HFM1: variants seen among roughly 807,000 people sequenced by gnomAD.
HFM1 encodes probable ATP-dependent DNA helicase HFM1.
Under a neutral mutation model 192.1 loss-of-function variants are expected in HFM1, and 169 were observed. That is an observed-to-expected ratio of 0.88 (90% CI 0.78 to 1.00). The LOEUF is 1.00. Among genes scored for constraint, HFM1 ranks in the 50% least tolerant of loss-of-function variants. HFM1 has a pLI of 0.00. For synonymous variants in HFM1, 525 were observed against 537.8 expected, an observed-to-expected ratio of 0.98 and a Z score of 0.33; for missense variants, 1,661 against 1,668.0, an observed-to-expected ratio of 1.00 and a Z score of 0.07.
In HFM1 at chr1:91,353,160, A is replaced by G. The variant is rs1229083711; in HGVS notation, c.1730-8T>C. Reference sequence around the variant, plus strand: ...CACCATCTTTTAAGATATCTGTAATAGAAATATATCAGCTGTTACTATTAA... The same window carrying G: ...CACCATCTTTTAAGATATCTGTAATGGAAATATATCAGCTGTTACTATTAA... On this transcript the variant is annotated splice_polypyrimidine_tract_variant and splice_region_variant and intron_variant, in intron 14 of 38. Transcript: ENST00000370425. 2.5e-6 allele frequency: 4 copies of G among 1,591,222 alleles called. No individual in the cohort carries two copies. The highest frequency in any genetic ancestry group is 3.4e-6 in the Non-Finnish European group (4 of 1,160,380).
Position 91,323,125 on chromosome 1 carries a change from A to G in HFM1, c.2502T>C (p.Thr834=). ...LRINEKKTLN[T]LNKDPNRITI... The stretch of plus-strand genomic sequence containing the variant: ...TTATCCGATTTGGATCTTTGTTCAA[A>G]GTATTCAGTGTTTTCTTTTCATTTA... Residue 834 remains threonine, a synonymous_variant, in exon 22 of 39, where the codon ACT becomes ACC. Coordinates refer to ENST00000370425, the MANE Select transcript of HFM1 (RefSeq NM_001017975.6). 6.3e-7 allele frequency: 1 copy of G among 1,587,294 alleles called. No homozygotes were observed. Among genetic ancestry groups the G allele is most frequent in the Non-Finnish European group, 8.6e-7 (1 of 1,161,436 alleles).
intron 4 of HFM1, among the ~76,000 whole-genome samples, chr1:91,390,344 G>C (rs969890877): frequency 6.6e-6 from 1 of 151,528 alleles, no homozygotes; most frequent in African/African-American, 2.4e-5. Context: ...GCTGAGGCAG[G>C]AGAATTGCCT....
chr1:91,351,286 T>G (rs1656902876), intron 17 of HFM1, among the ~76,000 whole-genome samples: 1 of 151,934 alleles, frequency 6.6e-6, no homozygotes, highest in South Asian at 2.1e-4. Context: ...TAATCATAAT[T>G]ACTAAGGCTT....
intron 4 of HFM1, among the ~76,000 whole-genome samples, chr1:91,390,737 G>A (rs1288208499): frequency 6.6e-6 from 1 of 152,136 alleles, no homozygotes; most frequent in Non-Finnish European, 1.5e-5. Flanking sequence ...TCAACATAGT[G>A]TTGGAAGTTC....
rs191673670 is a variant in HFM1, at chr1:91,311,149, T to C, written c.3391+2200A>G. 2.3e-3 allele frequency among the ~76,000 whole-genome samples: 356 copies of C among 152,238 alleles called. 1 individual carries two copies. The highest frequency in any genetic ancestry group is 8.1e-3 in the African/African-American group (335 of 41,554). The stretch of plus-strand genomic sequence containing the variant: ...GTCTCAGATGAAGATGAGGAACTTG[T>C]TGGGAACTGGAGCAAAGGTGACTCT... On this transcript the variant is annotated intron_variant, in intron 30 of 38. Coordinates refer to ENST00000370425, the MANE Select transcript of HFM1 (RefSeq NM_001017975.6).
At chr1:91,339,515 C>G (rs1412151146) in intron 20 of HFM1, among the ~76,000 whole-genome samples, 1 of 152,024 alleles carries the variant, frequency 6.6e-6, no homozygotes, top group Non-Finnish European at 1.5e-5. Flanking sequence ...GAAGTATTAA[C>G]AGCAGAATAA....
At chr1:91,283,088 G>A (rs545032087) in intron 30 of HFM1, among the ~76,000 whole-genome samples, 176 of 152,240 alleles carry the variant, frequency 1.2e-3, no homozygotes, top group African/African-American at 4.2e-3. Context: ...TCTTTTTGCT[G>A]TATTTTTGTT....
chr1:91,292,010 G>A lies in HFM1; in HGVS notation c.3392-14948C>T, dbSNP rs201700125. Among the ~76,000 whole-genome samples the A allele has an allele frequency of 2.0e-5, 3 of 152,084 alleles. No homozygotes were observed. The East Asian group carries it at 5.8e-4, about 29-fold the overall frequency. On this transcript the variant is annotated intron_variant, in intron 30 of 38. Coordinates refer to ENST00000370425, the MANE Select transcript of HFM1 (RefSeq NM_001017975.6). ...TTGACAAAATTCAACAACACTTCAT[G>A]CTAAAAACTCTCAATAAATTAGGTA...
intron 36 of HFM1, 66 bp downstream of exon 36, chr1:91,265,951 A>T (rs1264010951): frequency 1.3e-6 from 2 of 1,558,168 alleles, no homozygotes; most frequent in African/African-American, 1.4e-5. Flanking sequence ...CTTGATCCCC[A>T]TCTCCAACTA....
upstream of HFM1, among the ~76,000 whole-genome samples, chr1:91,406,408 A>T (rs1438370728): frequency 1.3e-5 from 2 of 152,238 alleles, no homozygotes; most frequent in African/African-American, 4.8e-5. Flanking sequence ...ATAAACAAAA[A>T]CATTCATTCA....
intron 25 of HFM1, among the ~76,000 whole-genome samples, chr1:91,318,611 A>AAC (rs1371730854): frequency 6.6e-6 from 1 of 152,184 alleles, no homozygotes; most frequent in South Asian, 2.1e-4. Context: ...AATCTCTATG[A>AAC]AAATCAGTAT....
chr1:91,285,969 T>A (rs1270090365), intron 30 of HFM1, among the ~76,000 whole-genome samples: 2 of 152,144 alleles, frequency 1.3e-5, no homozygotes, highest in East Asian at 1.9e-4. Context: ...AGTACTTGTG[T>A]TCAAGTAACC....
chr1:91,327,698 G>T (rs759270682), intron 20 of HFM1, among the ~76,000 whole-genome samples: 1 of 152,086 alleles, frequency 6.6e-6, no homozygotes, highest in Non-Finnish European at 1.5e-5. Flanking sequence ...ATCAGCACAT[G>T]GATCATTCAA....
chr1:91,331,681 A>G (rs915533380), intron 20 of HFM1, among the ~76,000 whole-genome samples: 3 of 152,232 alleles, frequency 2.0e-5, no homozygotes, highest in African/African-American at 7.2e-5. Flanking sequence ...AGATCACTTC[A>G]GGTCAGGAGT....
At chr1:91,381,089 A>C in intron 6 of HFM1, 107 bp from the exon 7 acceptor site, 2 of 629,420 alleles carry the variant, frequency 3.2e-6, no homozygotes, top group South Asian at 3.9e-5. Flanking sequence ...TTTAATGATG[A>C]GGTTTTAACA....
chr1:91,311,054 T>G (rs1415895709), intron 30 of HFM1, among the ~76,000 whole-genome samples: 2 of 152,164 alleles, frequency 1.3e-5, no homozygotes, highest in Non-Finnish European at 2.9e-5. Context: ...TGGAACTTCC[T>G]AGAGAATTGT....
intron 20 of HFM1, chr1:91,338,884 C>T: frequency 2.2e-6 from 1 of 455,648 alleles, no homozygotes; most frequent in Non-Finnish European, 4.4e-6. Flanking sequence ...CCTTCTGCCA[C>T]TGCCCCATTT....
At chr1:91,350,655 T>G in intron 18 of HFM1, 83 bp downstream of exon 18, 1 of 1,268,728 alleles carries the variant, frequency 7.9e-7, no homozygotes, top group South Asian at 1.4e-5. Flanking sequence ...TTCTGTAATC[T>G]ATCTATCCTG....
At chr1:91,291,640 C>T (rs1344748446) in intron 30 of HFM1, among the ~76,000 whole-genome samples, 1 of 152,136 alleles carries the variant, frequency 6.6e-6, no homozygotes, top group African/African-American at 2.4e-5. Flanking sequence ...GGAACTGGTA[C>T]CATTCCTTCT....
Sources: gnomAD v4.1 joint callset for allele counts (sites outside exome capture counted in the v4.1 genomes callset) on GRCh38, gnomAD v4.1.1 for gene constraint, MANE v1.5 for transcripts, NCBI Gene and HGNC (gene_info 2026-07-23, HGNC 2026-07-21) for gene names.